The following PLCB1 variants were observed in gnomAD, a reference collection of about 807,000 sequenced individuals.
PLCB1 encodes the protein 1-phosphatidylinositol 4,5-bisphosphate phosphodiesterase beta-1.
In PLCB1, 46 loss-of-function variants were observed where a neutral mutation model predicts 161.8. That is an observed-to-expected ratio of 0.28 (90% CI 0.22 to 0.36). PLCB1 has a LOEUF of 0.36. Ranked by LOEUF, PLCB1 falls within the 10% of genes least tolerant of loss-of-function variation. The pLI, the probability that PLCB1 is intolerant of heterozygous loss-of-function variation, is 1.00. For synonymous variants in PLCB1, 517 were observed against 503.7 expected (o/e 1.03, Z -0.35); for missense variants, 1,016 against 1,472.5 (o/e 0.69, Z 5.07).
chr20:8,565,951 C>T (rs1275599965), intron 3 of PLCB1, among the ~76,000 whole-genome samples: 1 of 152,094 alleles, frequency 6.6e-6, no homozygotes, highest in African/African-American at 2.4e-5. Flanking sequence ...AAAGCCACCA[C>T]AGCAGCGCTG....
At chr20:8,428,984 T>C (rs1600394348) in intron 3 of PLCB1, among the ~76,000 whole-genome samples, 1 of 151,936 alleles carries the variant, frequency 6.6e-6, no homozygotes, top group Non-Finnish European at 1.5e-5. Context: ...CCATTGGAGG[T>C]TTCTGGAAGA....
chr20:8,222,446 A>G (rs1979462494), intron 2 of PLCB1, among the ~76,000 whole-genome samples: 1 of 152,116 alleles, frequency 6.6e-6, no homozygotes, highest in Non-Finnish European at 1.5e-5. Flanking sequence ...TAATCACTCA[A>G]ATTCATAGTT....
intron 2 of PLCB1, among the ~76,000 whole-genome samples, chr20:8,259,954 T>C (rs906234523): frequency 9.9e-5 from 15 of 152,060 alleles, no homozygotes; most frequent in African/African-American, 3.4e-4. Flanking sequence ...TCAGACTCTC[T>C]CTCCCTAAAA....
At chr20:8,328,458 A>G (rs1357415830) in intron 2 of PLCB1, among the ~76,000 whole-genome samples, 1 of 151,824 alleles carries the variant, frequency 6.6e-6, no homozygotes, top group African/African-American at 2.4e-5. Flanking sequence ...ATGACATATG[A>G]CTAGTTGTTT....
chr20:8,304,390 G>A (rs1460615974), intron 2 of PLCB1, among the ~76,000 whole-genome samples: 1 of 151,938 alleles, frequency 6.6e-6, no homozygotes, highest in African/African-American at 2.4e-5. Context: ...TCTAAGAGAA[G>A]CCTGTTTCAT....
intron 3 of PLCB1, among the ~76,000 whole-genome samples, chr20:8,426,271 C>T (rs1473838319): frequency 6.6e-6 from 1 of 152,180 alleles, no homozygotes; most frequent in Non-Finnish European, 1.5e-5. Flanking sequence ...TAAAATCAAT[C>T]ATAATCCTAA....
At chr20:8,778,601 A>G (rs1983057640) in intron 27 of PLCB1, among the ~76,000 whole-genome samples, 1 of 152,186 alleles carries the variant, frequency 6.6e-6, no homozygotes, top group Admixed American at 6.5e-5. Context: ...AAAGTTTTGA[A>G]GACTGTTCAG....
intron 11 of PLCB1, among the ~76,000 whole-genome samples, chr20:8,704,906 G>A (rs984264238): frequency 6.6e-6 from 1 of 150,976 alleles, no homozygotes; most frequent in Non-Finnish European, 1.5e-5. Context: ...TGCAGTCCAA[G>A]TCCAAGTCTC....
At chr20:8,369,886 T>A (rs569622600) in intron 2 of PLCB1, among the ~76,000 whole-genome samples, 3 of 152,198 alleles carry the variant, frequency 2.0e-5, no homozygotes, top group Non-Finnish European at 4.4e-5. Context: ...ACTTCACCTT[T>A]AATTTGGCCT....
intron 2 of PLCB1, among the ~76,000 whole-genome samples, chr20:8,160,417 A>C (rs1386962198): frequency 6.6e-6 from 1 of 152,196 alleles, no homozygotes; most frequent in Non-Finnish European, 1.5e-5. Context: ...GCCACTGATA[A>C]AGACATACCC....
intron 27 of PLCB1, among the ~76,000 whole-genome samples, chr20:8,784,804 A>G (rs576535939): frequency 6.6e-6 from 1 of 152,320 alleles, no homozygotes; most frequent in East Asian, 1.9e-4. Flanking sequence ...TCCGGAAGGA[A>G]CAAAATTTAG....
chr20:8,850,869 C>T lies in PLCB1; in HGVS notation c.3424-30753C>T, dbSNP rs138632325. 2.3e-3 allele frequency among the ~76,000 whole-genome samples: 347 copies of T among 152,248 alleles called. 4 individuals are homozygous for T. Among genetic ancestry groups the T allele is most frequent in the Admixed American group, 0.02 (309 of 15,300 alleles). ...TTATGTTATAGCAGCAGGAATGAAC[C>T]GAGACAGCAGCCTATTTCAGAAGCC... On this transcript the variant is annotated intron_variant, in intron 31 of 31. Transcript: ENST00000338037.
At chr20:8,382,283 C>CT (rs71331303) in intron 3 of PLCB1, among the ~76,000 whole-genome samples, 23,368 of 130,452 alleles carry the variant, frequency 0.18, 2,344 homozygotes, top group Non-Finnish European at 0.2. Context: ...GTTTCTTTTT[C>CT]TTTTTTTTTT....
chr20:8,311,834 CT>C (rs1984415982), intron 2 of PLCB1, among the ~76,000 whole-genome samples: 1 of 152,124 alleles, frequency 6.6e-6, no homozygotes, highest in South Asian at 2.1e-4. Context: ...TAAGGTTGGT[CT>C]GTATTCCACA....
At chr20:8,382,050 A>G (rs1027268174) in intron 3 of PLCB1, among the ~76,000 whole-genome samples, 2 of 151,998 alleles carry the variant, frequency 1.3e-5, no homozygotes, top group Admixed American at 1.3e-4. Flanking sequence ...ATGTTAGGGT[A>G]TCAGTTTGAG....
chr20:8,724,268 A>G (rs1264060319), intron 15 of PLCB1, among the ~76,000 whole-genome samples: 2 of 152,102 alleles, frequency 1.3e-5, no homozygotes, highest in East Asian at 1.9e-4. Flanking sequence ...GACACCCTGC[A>G]ATGGAAGATG....
intron 25 of PLCB1, among the ~76,000 whole-genome samples, chr20:8,764,805 C>T (rs1398068786): frequency 6.6e-6 from 1 of 152,178 alleles, no homozygotes; most frequent in Non-Finnish European, 1.5e-5. Context: ...CCTTCCCCAG[C>T]CCCGTCTGCT....
chr20:8,690,119 T>G (rs2123411767), intron 10 of PLCB1, among the ~76,000 whole-genome samples: 1 of 142,410 alleles, frequency 7.0e-6, no homozygotes, highest in Admixed American at 7.4e-5. Context: ...TTAAATTGTA[T>G]TCTCATCTAA....
intron 2 of PLCB1, among the ~76,000 whole-genome samples, chr20:8,361,481 G>A (rs996399710): frequency 2.0e-5 from 3 of 151,920 alleles, no homozygotes; most frequent in South Asian, 4.2e-4. Flanking sequence ...ACAGATTGTC[G>A]GGCCACCCCA....
Sources: gnomAD v4.1 joint callset for allele counts (sites outside exome capture counted in the v4.1 genomes callset) on GRCh38, gnomAD v4.1.1 for gene constraint, MANE v1.5 for transcripts, NCBI Gene and HGNC (gene_info 2026-07-23, HGNC 2026-07-21) for gene names.